CIB4: variants seen among roughly 807,000 people sequenced by gnomAD.
CIB4 encodes the protein calcium and integrin-binding family member 4.
In CIB4, 25 loss-of-function variants were observed where a neutral mutation model predicts 25.8. The observed-to-expected ratio is 0.97, with a 90% CI of 0.71 to 1.35. The LOEUF (loss-of-function observed/expected upper bound fraction) is 1.35. Among genes scored for constraint, CIB4 ranks in the 40% most tolerant of loss-of-function variants. The probability of loss-of-function intolerance (pLI) is 0.00; values close to 1 mark genes in which losing one functional copy is unlikely to be tolerated. For missense variants in CIB4, 235 were observed against 228.2 expected (o/e 1.03, Z -0.19); for synonymous variants, 75 against 81.4 (o/e 0.92, Z 0.42).
At position 26,595,239 on chromosome 2, in the gene CIB4, C is replaced by T. The variant is rs1180436030; in HGVS notation, c.265G>A (p.Ala89Thr). 4 of 1,614,134 alleles carry T rather than the reference C, an allele frequency of 2.5e-6. No individual in the cohort carries two copies. Among genetic ancestry groups the T allele is most frequent in the Non-Finnish European group, 3.4e-6 (4 of 1,179,980 alleles). Residue 89 changes from alanine (A) to threonine (T), a missense_variant, in exon 4 of 7, where the codon GCA becomes ACA. Transcript: ENST00000288861. ...CAGGCCTGCTCGCTGAACACAGATG[C>T]CATGCCCAGCACATCCTCAAAGGAG... is the stretch of plus-strand genomic sequence containing the variant. ...MFSFEDVLGM[A>T]SVFSEQACPS...
chr2:26,634,006 C>G (rs1026109684), intron 2 of CIB4, among the ~76,000 whole-genome samples: 4 of 152,172 alleles, frequency 2.6e-5, no homozygotes, highest in African/African-American at 9.7e-5. Flanking sequence ...CATTTACCCC[C>G]TTGCCTCTGA....
chr2:26,590,270 A>AC lies in CIB4; in HGVS notation c.328+4905_328+4906insG, dbSNP rs1668561838. On this transcript the variant is annotated intron_variant, in intron 4 of 6. Coordinates refer to ENST00000288861, the MANE Select transcript of CIB4 (RefSeq NM_001029881.3). Reference sequence around the variant, plus strand: ...GCCCAAGCATCTGTAAAAAAAAAAAAAAAAAAAAAAAAAACTCACAGGTGA... The same window carrying AC: ...GCCCAAGCATCTGTAAAAAAAAAAAACAAAAAAAAAAAAAACTCACAGGTGA... Among the ~76,000 whole-genome samples, 3 of 151,000 alleles carry AC rather than the reference A, an allele frequency of 2.0e-5. 1 individual carries two copies. The highest frequency in any genetic ancestry group is 4.4e-5 in the Non-Finnish European group (3 of 67,728).
chr2:26,597,653 ATTT>A (rs1347091093), intron 3 of CIB4, among the ~76,000 whole-genome samples: 2 of 152,136 alleles, frequency 1.3e-5, no homozygotes, highest in African/African-American at 4.8e-5. Flanking sequence ...TTGTCCTTAA[ATTT>A]TTTTATTTTG....
At chr2:26,593,374 G>A (rs983499798) in intron 4 of CIB4, among the ~76,000 whole-genome samples, 35 of 149,624 alleles carry the variant, frequency 2.3e-4, no homozygotes, top group African/African-American at 7.2e-4. Context: ...ATATACACAC[G>A]CACACATATA....
chr2:26,624,287 C>A (rs1298688551), intron 3 of CIB4, among the ~76,000 whole-genome samples: 1 of 152,234 alleles, frequency 6.6e-6, no homozygotes, highest in Non-Finnish European at 1.5e-5. Flanking sequence ...GTGAGTCACG[C>A]AGCTCCCGTC....
At chr2:26,593,450 CAT>C (rs1169677769) in intron 4 of CIB4, among the ~76,000 whole-genome samples, 36 of 152,030 alleles carry the variant, frequency 2.4e-4, no homozygotes, top group Non-Finnish European at 5.0e-4. Flanking sequence ...TATACCCACA[CAT>C]ACACTCACAT....
intron 2 of CIB4, among the ~76,000 whole-genome samples, chr2:26,635,511 C>T (rs1029848086): frequency 9.2e-5 from 14 of 152,346 alleles, no homozygotes; most frequent in African/African-American, 3.1e-4. Context: ...TTCTCTATGA[C>T]ACCAATAGGA....
At chr2:26,584,214 G>A (rs1286231137) in intron 4 of CIB4, among the ~76,000 whole-genome samples, 1 of 152,158 alleles carries the variant, frequency 6.6e-6, no homozygotes, top group African/African-American at 2.4e-5. Context: ...GGCACAGAGG[G>A]TTATATGGTT....
At chr2:26,593,274 C>T (rs954320139) in intron 4 of CIB4, among the ~76,000 whole-genome samples, 1 of 151,996 alleles carries the variant, frequency 6.6e-6, no homozygotes, top group Non-Finnish European at 1.5e-5. Flanking sequence ...TAGAATAAAT[C>T]TCTCTCTCTT....
chr2:26,625,242 C>T (rs899244264), intron 3 of CIB4, among the ~76,000 whole-genome samples: 7 of 152,026 alleles, frequency 4.6e-5, no homozygotes, highest in African/African-American at 1.2e-4. Context: ...CTGTGCATAG[C>T]GCTGGCAGTT....
intron 3 of CIB4, among the ~76,000 whole-genome samples, chr2:26,621,967 G>A (rs376419986): frequency 4.4e-4 from 67 of 152,296 alleles, no homozygotes; most frequent in African/African-American, 1.5e-3. Flanking sequence ...CAAAAACAAT[G>A]ATGACATCCA....
chr2:26,626,177 T>G (rs990426694), intron 3 of CIB4, among the ~76,000 whole-genome samples: 1 of 152,204 alleles, frequency 6.6e-6, no homozygotes, highest in African/African-American at 2.4e-5. Flanking sequence ...GCCCCTTTGC[T>G]TCTCCCCACT....
chr2:26,606,391 C>G (rs897044968), intron 3 of CIB4, among the ~76,000 whole-genome samples: 5 of 152,140 alleles, frequency 3.3e-5, no homozygotes, highest in African/African-American at 1.2e-4. Context: ...CAGAGGGGAG[C>G]AAAGCCGAGG....
chr2:26,622,250 A>G (rs1669218018), intron 3 of CIB4, among the ~76,000 whole-genome samples: 1 of 152,064 alleles, frequency 6.6e-6, no homozygotes, highest in African/African-American at 2.4e-5. Flanking sequence ...AATCCCAGCT[A>G]CTTGGGAGGC....
At chr2:26,613,654 C>T (rs911144569) in intron 3 of CIB4, among the ~76,000 whole-genome samples, 1 of 152,238 alleles carries the variant, frequency 6.6e-6, no homozygotes. Flanking sequence ...TGAGGTTATA[C>T]ACAAACTGCA....
intron 3 of CIB4, among the ~76,000 whole-genome samples, chr2:26,596,614 G>A (rs571231907): frequency 2.7e-4 from 41 of 152,094 alleles, no homozygotes; most frequent in Non-Finnish European, 4.4e-4. Context: ...GGGCGTGGTC[G>A]CGCATGCCTG....
At chr2:26,629,813 C>T (rs1479207041) in intron 2 of CIB4, among the ~76,000 whole-genome samples, 3 of 152,178 alleles carry the variant, frequency 2.0e-5, no homozygotes, top group Non-Finnish European at 4.4e-5. Context: ...GCACACTCTA[C>T]GAGGGTTCAT....
intron 4 of CIB4, among the ~76,000 whole-genome samples, chr2:26,585,660 A>G (rs1272311138): frequency 6.6e-6 from 1 of 152,164 alleles, no homozygotes; most frequent in African/African-American, 2.4e-5. Flanking sequence ...AGGCATGCAC[A>G]GATTAAATAA....
At chr2:26,628,084 A>G (rs1215261416) in intron 3 of CIB4, among the ~76,000 whole-genome samples, 1 of 152,182 alleles carries the variant, frequency 6.6e-6, no homozygotes, top group African/African-American at 2.4e-5. Context: ...TCTGCCAAGA[A>G]CCGAATGAAA....
Sources: gnomAD v4.1 joint callset for allele counts (sites outside exome capture counted in the v4.1 genomes callset) on GRCh38, gnomAD v4.1.1 for gene constraint, MANE v1.5 for transcripts, NCBI Gene and HGNC (gene_info 2026-07-23, HGNC 2026-07-21) for gene names.